Variants in SMIM12 observed in about 807,000 individuals in gnomAD.
SMIM12 encodes the protein UPF0767 protein C1orf212.
In SMIM12, 5 loss-of-function variants were observed where a neutral mutation model predicts 6.3. That is an observed-to-expected ratio of 0.80 (90% CI 0.42 to 1.68). The LOEUF (loss-of-function observed/expected upper bound fraction) is 1.68, where lower values mean the gene tolerates loss of function less well. SMIM12 is among the 40% of genes most tolerant of loss of function. SMIM12 has a pLI of 0.02. For synonymous variants in SMIM12, 51 were observed against 48.0 expected (o/e 1.06, Z -0.26); for missense variants, 103 against 121.4 (o/e 0.85, Z 0.71).
At position 34,859,711 on chromosome 1, in the gene SMIM12, C is replaced by G. The variant is rs1411601744; in HGVS notation, c.-40G>C. Reference sequence around the variant, plus strand: ...AGCCCACACTCCCCAGTGCGGCCCCCGCTCTCCGCCCGCTCGCCGGGAGCA... The same window carrying G: ...AGCCCACACTCCCCAGTGCGGCCCCGGCTCTCCGCCCGCTCGCCGGGAGCA... On this transcript the variant is annotated 5_prime_UTR_variant, in exon 1 of 2. Transcript: ENST00000521580. 3.9e-5 allele frequency: 6 copies of G among 152,428 alleles called. No homozygotes were observed. Among genetic ancestry groups the G allele is most frequent in the Admixed American group, 2.6e-4 (4 of 15,288 alleles). 9.4% of individuals were successfully genotyped at this position (152,428 alleles called of 1,614,324 possible).
chr1:34,857,768 C>CA (rs1638699183), intron 1 of SMIM12: 1 of 152,180 alleles, frequency 6.6e-6, no homozygotes, highest in South Asian at 2.1e-4. Flanking sequence ...ATATTTGGCA[C>CA]CAGGGACCAG....
chr1:34,859,257 C>T (rs1638747903), intron 1 of SMIM12, among the ~76,000 whole-genome samples: 2 of 152,250 alleles, frequency 1.3e-5, no homozygotes, highest in Non-Finnish European at 2.9e-5. Flanking sequence ...GGCCCGGAGG[C>T]CCAACGAGGC....
At position 34,851,978 on chromosome 1, in the gene SMIM12, A is replaced by G. The variant is rs1428324840; in HGVS notation, c.*3721T>C. On this transcript the variant is annotated 3_prime_UTR_variant, in exon 2 of 2. Transcript: ENST00000521580. ...ATCCCAGCAACCCTGACCTGTCTAT[A>G]CCCACGTCCACATAAACCTTGCTAT... Among the ~76,000 whole-genome samples the G allele has an allele frequency of 6.6e-6, 1 of 152,190 alleles. No homozygotes were observed. Among genetic ancestry groups the G allele is most frequent in the Non-Finnish European group, 1.5e-5 (1 of 68,038 alleles).
rs751868156 is a variant in SMIM12 at position 34,855,562 on chromosome 1, T to A, written c.*137A>T. 2 of 1,612,906 alleles carry A rather than the reference T, an allele frequency of 1.2e-6. No individual in the cohort carries two copies. Among genetic ancestry groups the A allele is most frequent in the South Asian group, 2.2e-5 (2 of 90,252 alleles). On this transcript the variant is annotated 3_prime_UTR_variant, in exon 2 of 2. Transcript: ENST00000521580. ...TGCCTGGCCATCAAGGAGCAGCCAG[T>A]ATTTGTGTGGCTGTGTGGTGTGGGA... is the stretch of plus-strand genomic sequence containing the variant.
chr1:34,852,836 T>C lies in SMIM12; in HGVS notation c.*2863A>G, dbSNP rs990148615. Reference sequence around the variant, plus strand: ...TGGCTCATTTGTCACCTGACCTCTGTCAGCACTAGTGTTTGGTTTAGCCCA... The same window carrying C: ...TGGCTCATTTGTCACCTGACCTCTGCCAGCACTAGTGTTTGGTTTAGCCCA... On this transcript the variant is annotated 3_prime_UTR_variant, in exon 2 of 2. Transcript: ENST00000521580. 6.6e-6 allele frequency: 1 copy of C among 152,458 alleles called. No homozygotes were observed. The highest frequency in any genetic ancestry group is 1.5e-5 in the Non-Finnish European group (1 of 68,040). 9.4% of individuals were successfully genotyped at this position (152,458 alleles called of 1,614,324 possible). A position where few individuals can be genotyped will look rare whatever the true frequency, so the allele number is the denominator to read the frequency against.
At chr1:34,857,878 G>C (rs1276010091) in intron 1 of SMIM12, 1 of 152,172 alleles carries the variant, frequency 6.6e-6, no homozygotes, top group African/African-American at 2.4e-5. Context: ...ATTCTCATAA[G>C]GGGCACACAA....
In SMIM12 at chr1:34,851,696, G is replaced by A. The variant is rs1364532946; in HGVS notation, c.*4003C>T. ...AGGCACAGGAAAGAGTCTAGAAAGA[G>A]TGGAAAAGCACCAGACACTGAACCG... On this transcript the variant is annotated 3_prime_UTR_variant, in exon 2 of 2. Coordinates refer to ENST00000521580, the MANE Select transcript of SMIM12 (RefSeq NM_138428.6). The A allele has an allele frequency of 2.0e-5, 3 of 152,346 alleles. No individual in the cohort carries two copies. Among genetic ancestry groups the A allele is most frequent in the African/African-American group, 7.2e-5 (3 of 41,450 alleles). 9.4% of individuals were successfully genotyped at this position (152,346 alleles called of 1,614,324 possible).
At position 34,855,571 on chromosome 1, in the gene SMIM12, G is replaced by A. The variant is rs755567962; in HGVS notation, c.*128C>T. The A allele has an allele frequency of 6.2e-7, 1 of 1,613,100 alleles. No individual in the cohort carries two copies. Among genetic ancestry groups the A allele is most frequent in the South Asian group, 1.1e-5 (1 of 90,270 alleles). ...ATCAAGGAGCAGCCAGTATTTGTGT[G>A]GCTGTGTGGTGTGGGAAGGGCCAGA... On this transcript the variant is annotated 3_prime_UTR_variant, in exon 2 of 2. Transcript: ENST00000521580.
rs138498710 is a variant in SMIM12, at chr1:34,853,985, AAACAACAAC to A, written c.*1705_*1713del. ...GCAATACAGCGAGACTCCATATTTA[AAACAACAAC>A]AACAACAACAACAAAAAAAAACTAC... On this transcript the variant is annotated 3_prime_UTR_variant, in exon 2 of 2. Coordinates refer to ENST00000521580, the MANE Select transcript of SMIM12 (RefSeq NM_138428.6). The A allele has an allele frequency of 2.1e-5, 3 of 145,984 alleles. No individual in the cohort carries two copies. Among genetic ancestry groups the A allele is most frequent in the Middle Eastern group, 3.6e-3 (1 of 280 alleles). The allele number at this position is 145,984 out of a possible 1,614,324, so 9.0% of individuals were successfully genotyped here. A position where few individuals can be genotyped will look rare whatever the true frequency, so the allele number is the denominator to read the frequency against.
intron 1 of SMIM12, chr1:34,858,295 A>C (rs140206825): frequency 2.6e-5 from 4 of 152,292 alleles, no homozygotes; most frequent in Non-Finnish European, 5.9e-5. Flanking sequence ...ATGTTAACTT[A>C]TCCAAGATCA....
intron 1 of SMIM12, chr1:34,856,425 T>C (rs1339908391): frequency 6.4e-6 from 1 of 155,982 alleles, no homozygotes; most frequent in African/African-American, 2.4e-5. Flanking sequence ...ATCCCTGAAA[T>C]AATCTAGGAA....
At chr1:34,859,391 G>C (rs1638751094) in intron 1 of SMIM12, 1 of 152,336 alleles carries the variant, frequency 6.6e-6, no homozygotes, top group African/African-American at 2.4e-5. Flanking sequence ...GTAAGGCGAA[G>C]GTCCATCCAA....
rs567627843 is a variant in SMIM12, at chr1:34,855,016, A to ATACC, written c.*679_*682dup. The ATACC allele has an allele frequency of 1.8e-4, 225 of 1,253,896 alleles. No individual in the cohort carries two copies. The African/African-American group carries it at 3.1e-3, about 17-fold the overall frequency. 77.7% of individuals were successfully genotyped at this position (1,253,896 alleles called of 1,614,324 possible). On this transcript the variant is annotated 3_prime_UTR_variant, in exon 2 of 2. Coordinates refer to ENST00000521580, the MANE Select transcript of SMIM12 (RefSeq NM_138428.6). ...GCCTAACTCCTAAGAAGACCCCCAA[A>ATACC]TACCACCTGGATGATAAGATTCGAT... is the stretch of plus-strand genomic sequence containing the variant.
rs768580691 is a variant in SMIM12, at chr1:34,855,743, C to A, written c.235G>T (p.Ala79Ser). Residue 79 changes from alanine to serine, a missense_variant, in exon 2 of 2, where the codon GCC becomes TCC. Ala to Ser is a moderately conservative substitution (Grantham distance 99). Coordinates refer to ENST00000521580, the MANE Select transcript of SMIM12 (RefSeq NM_138428.6). ...TTTCTGTTCAGCACAGCTTTCGGGG[C>A]AAATTCTAGCTTGTCCTTAAGGCTC... ...VVSLKDKLEF[A>S]PKAVLNRNRP... 3 of 1,598,498 alleles carry A rather than the reference C, an allele frequency of 1.9e-6. No individual in the cohort carries two copies. Among genetic ancestry groups the A allele is most frequent in the South Asian group, 1.1e-5 (1 of 89,306 alleles).
chr1:34,853,666 C>T lies in SMIM12; in HGVS notation c.*2033G>A, dbSNP rs1398354180. 1 of 152,250 alleles carries T rather than the reference C, an allele frequency of 6.6e-6. No individual in the cohort carries two copies. The highest frequency in any genetic ancestry group is 6.5e-5 in the Admixed American group (1 of 15,292). The allele number at this position is 152,250 out of a possible 1,614,324, so 9.4% of individuals were successfully genotyped here. A position where few individuals can be genotyped will look rare whatever the true frequency, so the allele number is the denominator to read the frequency against. ...AGGATAAACTTATGTCATACTCCCA[C>T]TTGATAGACAATTATGTTGCTATTA... On this transcript the variant is annotated 3_prime_UTR_variant, in exon 2 of 2. Transcript: ENST00000521580.
Position 34,855,783 on chromosome 1 carries a change from G to T in SMIM12, c.195C>A (p.Asp65Glu), listed in dbSNP as rs1474882987. 6.4e-7 allele frequency: 1 copy of T among 1,562,416 alleles called. No homozygotes were observed. The highest frequency in any genetic ancestry group is 1.9e-5 in the Admixed American group (1 of 51,634). The change falls in exon 2 of 2, where the codon GAC becomes GAA. Residue 65 changes from aspartate (D) to glutamate (E), a missense_variant. Physicochemically the swap from Asp to Glu is conservative, Grantham distance 45. Transcript: ENST00000521580. ...DRKLDELLGK[D>E]HTQVVSLKDK... ...CCTTAAGGCTCACCACCTGCGTGTGGTCCTTGCCTAGAAGCTCATCCAGCT... is the reference window on the plus strand; with the variant it reads ...CCTTAAGGCTCACCACCTGCGTGTGTTCCTTGCCTAGAAGCTCATCCAGCT...
intron 1 of SMIM12, chr1:34,859,353 AGAGC>A (rs1638750113): frequency 1.3e-5 from 2 of 152,356 alleles, no homozygotes; most frequent in Admixed American, 1.3e-4. Flanking sequence ...GACAGTCACT[AGAGC>A]GCAGTCCAGG....
At position 34,855,664 on chromosome 1, in the gene SMIM12, AC is replaced by A; in HGVS notation, c.*34del. The A allele has an allele frequency of 6.2e-6, 10 of 1,613,508 alleles. No individual in the cohort carries two copies. The highest frequency in any genetic ancestry group is 8.5e-6 in the Non-Finnish European group (10 of 1,179,512). The stretch of plus-strand genomic sequence containing the variant: ...CAACATGGTAGCAGGACAAGTCACC[AC>A]CCACAGTAGGACCATAGGGCCCTGT... On this transcript the variant is annotated 3_prime_UTR_variant, in exon 2 of 2. Transcript: ENST00000521580.
At position 34,854,218 on chromosome 1, in the gene SMIM12, G is replaced by A. The variant is rs761313276; in HGVS notation, c.*1481C>T. 7 of 152,092 alleles carry A rather than the reference G, an allele frequency of 4.6e-5. No homozygotes were observed. The highest frequency in any genetic ancestry group is 9.7e-5 in the African/African-American group (4 of 41,372). The allele number at this position is 152,092 out of a possible 1,614,324, so 9.4% of individuals were successfully genotyped here. A position where few individuals can be genotyped will look rare whatever the true frequency, so the allele number is the denominator to read the frequency against. On this transcript the variant is annotated 3_prime_UTR_variant, in exon 2 of 2. Transcript: ENST00000521580. ...AGCTACTTAGGAAGCTGAGGTAGGA[G>A]AATCGCTTGAACCCAGGAGGCAGAA...
Sources: allele counts gnomAD v4.1 joint callset (sites outside exome capture counted in the v4.1 genomes callset), GRCh38; gene constraint gnomAD v4.1.1; transcripts MANE v1.5; gene names NCBI Gene and HGNC (gene_info 2026-07-23, HGNC 2026-07-21).